DMD: variants seen among roughly 807,000 people sequenced by gnomAD.
DMD encodes the protein dystrophin, also known as mutant dystrophin.
A neutral mutation model predicts 330.1 loss-of-function variants in DMD; 63 were observed. The observed-to-expected ratio is 0.19, with a 90% CI of 0.16 to 0.24. The LOEUF (loss-of-function observed/expected upper bound fraction) is 0.24, where lower values mean the gene tolerates loss of function less well. Among genes scored for constraint, DMD ranks in the 10% least tolerant of loss-of-function variants. The pLI is 1.00. For missense variants in DMD, 3,344 were observed against 2,684.1 expected (o/e 1.25, Z -5.43); for synonymous variants, 1,223 against 959.8 (o/e 1.27, Z -5.07).
chrX:31,897,689 T>C (rs1388794707), intron 47 of DMD, among the ~76,000 whole-genome samples: 1 of 92,932 alleles, frequency 1.1e-5, no homozygotes, highest in African/African-American at 3.9e-5. Flanking sequence ...GTGAGCATTT[T>C]TTCATGTGTT....
chrX:33,038,650 G>T (rs1448850084), intron 1 of DMD, among the ~76,000 whole-genome samples: 1 of 111,781 alleles, frequency 8.9e-6, no homozygotes, highest in Non-Finnish European at 1.9e-5. Flanking sequence ...TATGAATTAT[G>T]TGACAGTAGA....
chrX:32,946,051 G>C (rs781514881), intron 2 of DMD, among the ~76,000 whole-genome samples: 2 of 111,179 alleles, frequency 1.8e-5, no homozygotes, highest in East Asian at 5.7e-4. Flanking sequence ...TTCATGGTTT[G>C]GAATTTTGTA....
chrX:32,949,505 A>G (rs2091089094), intron 2 of DMD, among the ~76,000 whole-genome samples: 1 of 110,865 alleles, frequency 9.0e-6, no homozygotes, highest in African/African-American at 3.3e-5. Flanking sequence ...CTACCCAAGG[A>G]CATTCTGTTC....
chrX:31,289,215 G>A (rs1335853528), intron 62 of DMD, among the ~76,000 whole-genome samples: 1 of 93,009 alleles, frequency 1.1e-5, no homozygotes. Flanking sequence ...GCAGGTGGAG[G>A]TTGCAGTCCA....
At chrX:32,397,133 C>T (rs73619062) in intron 30 of DMD, among the ~76,000 whole-genome samples, 15,748 of 110,704 alleles carry the variant, frequency 0.14, 986 homozygotes, top group African/African-American at 0.23. Flanking sequence ...ATAGAAGATT[C>T]AATCTGAAGG....
chrX:31,973,822 A>C (rs1326535690), intron 44 of DMD, among the ~76,000 whole-genome samples: 4 of 111,938 alleles, frequency 3.6e-5, no homozygotes, highest in African/African-American at 1.3e-4. Flanking sequence ...TTACAGCTGA[A>C]TATTAAGCAT....
At chrX:31,742,266 C>T (rs749702289) in intron 51 of DMD, among the ~76,000 whole-genome samples, 2 of 112,683 alleles carry the variant, frequency 1.8e-5, no homozygotes, top group South Asian at 3.7e-4. Context: ...TCTTCAAGAA[C>T]GTTTCCTTTG....
intron 60 of DMD, among the ~76,000 whole-genome samples, chrX:31,406,195 G>GT (rs376499018): frequency 9.0e-6 from 1 of 111,480 alleles, no homozygotes; most frequent in Admixed American, 9.6e-5. Flanking sequence ...AAATATCAAT[G>GT]TTTTTTCAAC....
intron 1 of DMD, among the ~76,000 whole-genome samples, chrX:33,272,677 AAC>A (rs1053737774): frequency 1.8e-4 from 19 of 104,499 alleles, no homozygotes; most frequent in African/African-American, 7.3e-4. Flanking sequence ...AAAAAAAAAA[AAC>A]ACACACACAC....
intron 1 of DMD, among the ~76,000 whole-genome samples, chrX:33,208,400 C>T: frequency 9.0e-6 from 1 of 111,051 alleles, no homozygotes; most frequent in Non-Finnish European, 1.9e-5. Flanking sequence ...TAAAGCCTTA[C>T]TTACATGAGG....
At chrX:31,160,287 T>A (rs56781586) in intron 74 of DMD, among the ~76,000 whole-genome samples, 12,454 of 111,252 alleles carry the variant, frequency 0.11, 1,249 homozygotes, top group African/African-American at 0.31. Context: ...GTTAATTTAA[T>A]ACCTATCTTT....
At chrX:33,064,234 T>C (rs1012878475) in intron 1 of DMD, among the ~76,000 whole-genome samples, 1 of 111,183 alleles carries the variant, frequency 9.0e-6, no homozygotes, top group Non-Finnish European at 1.9e-5. Context: ...TATTTGTTAA[T>C]AAATGAAGAA....
At chrX:32,174,002 T>A (rs766465065) in intron 44 of DMD, among the ~76,000 whole-genome samples, 3 of 112,316 alleles carry the variant, frequency 2.7e-5, no homozygotes, top group African/African-American at 9.7e-5. Context: ...TTAATTGTTA[T>A]AGAAAGAGTA....
intron 9 of DMD, among the ~76,000 whole-genome samples, chrX:32,688,794 A>G (rs1054450497): frequency 5.4e-5 from 6 of 111,937 alleles, no homozygotes; most frequent in Non-Finnish European, 1.1e-4. Flanking sequence ...TAACACCATT[A>G]AAATTCTTAT....
rs962507713 is a variant in DMD at position 32,699,471 on chromosome X, T to C, written c.650-178A>G. Among the ~76,000 whole-genome samples, 4 of 112,021 alleles carry C rather than the reference T, an allele frequency of 3.6e-5. No homozygotes were observed. The South Asian group carries it at 1.5e-3, about 42-fold the overall frequency. ...ATGAGGCCTAAAATGTCTTTCCAAT[T>C]TGGCAGACCAATGAGATGAGCAGTA... is the stretch of plus-strand genomic sequence containing the variant. On this transcript the variant is annotated intron_variant, in intron 7 of 78. Coordinates refer to ENST00000357033, the MANE Select transcript of DMD (RefSeq NM_004006.3).
At chrX:32,692,323 T>C (rs2063337755) in intron 9 of DMD, among the ~76,000 whole-genome samples, 1 of 111,970 alleles carries the variant, frequency 8.9e-6, no homozygotes, top group Non-Finnish European at 1.9e-5. Context: ...ACCTAACAAT[T>C]CTGTTTCTGG....
At chrX:31,620,895 T>C (rs1285598540) in intron 55 of DMD, among the ~76,000 whole-genome samples, 4 of 111,886 alleles carry the variant, frequency 3.6e-5, no homozygotes, top group Non-Finnish European at 7.5e-5. Flanking sequence ...GAGTGGACCA[T>C]GGAGAAATTC....
chrX:32,893,128 T>C (rs1569539986), intron 2 of DMD, among the ~76,000 whole-genome samples: 1 of 112,376 alleles, frequency 8.9e-6, no homozygotes, highest in East Asian at 2.8e-4. Flanking sequence ...CAATTATTCA[T>C]AAAATTACAC....
At chrX:32,131,005 T>C (rs370024943) in intron 44 of DMD, among the ~76,000 whole-genome samples, 1 of 111,029 alleles carries the variant, frequency 9.0e-6, no homozygotes, top group East Asian at 2.8e-4. Context: ...GCCAATATGG[T>C]GAAACCCCAT....
Sources: allele counts gnomAD v4.1 joint callset (sites outside exome capture counted in the v4.1 genomes callset), GRCh38; gene constraint gnomAD v4.1.1; transcripts MANE v1.5; gene names NCBI Gene and HGNC (gene_info 2026-07-23, HGNC 2026-07-21).